SERPINB8: variants seen among roughly 807,000 people sequenced by gnomAD.
SERPINB8 encodes serpin family B member 8.
A neutral mutation model predicts 35.3 loss-of-function variants in SERPINB8; 25 were observed. That is an observed-to-expected ratio of 0.71 (90% CI 0.52 to 0.99). SERPINB8 has a LOEUF of 0.99. Among genes scored for constraint, SERPINB8 ranks in the 50% least tolerant of loss-of-function variants. The pLI, the probability that SERPINB8 is intolerant of heterozygous loss-of-function variation, is 0.00. For missense variants in SERPINB8, 484 were observed against 446.5 expected (o/e 1.08, Z -0.76); for synonymous variants, 186 against 160.8 (o/e 1.16, Z -1.19).
Position 63,987,340 on chromosome 18 carries a change from C to G in SERPINB8, c.*62C>G. The stretch of plus-strand genomic sequence containing the variant: ...TACCTATCTTGCCTTAATTAACATT[C>G]CCTGTGACCTAGTTGGTGCAGTGGC... On this transcript the variant is annotated 3_prime_UTR_variant, in exon 7 of 7. Coordinates refer to ENST00000397985, the MANE Select transcript of SERPINB8 (RefSeq NM_002640.4). 6.6e-7 allele frequency: 1 copy of G among 1,512,406 alleles called. No individual in the cohort carries two copies. Among genetic ancestry groups the G allele is most frequent in the Non-Finnish European group, 9.0e-7 (1 of 1,115,900 alleles). 93.7% of individuals were successfully genotyped at this position (1,512,406 alleles called of 1,614,324 possible). A position where few individuals can be genotyped will look rare whatever the true frequency, so the allele number is the denominator to read the frequency against.
At chr18:63,974,235 G>A (rs899234439) in intron 1 of SERPINB8, among the ~76,000 whole-genome samples, 4 of 152,118 alleles carry the variant, frequency 2.6e-5, no homozygotes, top group East Asian at 1.9e-4. Context: ...TTGAAACTAC[G>A]CATTTCCATA....
chr18:63,989,287 G>A lies in SERPINB8; in HGVS notation c.*2009G>A, dbSNP rs2050806319. The A allele has an allele frequency of 6.6e-6, 1 of 152,072 alleles. No homozygotes were observed. The highest frequency in any genetic ancestry group is 6.5e-5 in the Admixed American group (1 of 15,270). 9.4% of individuals were successfully genotyped at this position (152,072 alleles called of 1,614,324 possible). Reference sequence around the variant, plus strand: ...TATAGGTATACCATGATTTGTTGATGAACAAATTTACCTGTTGATGAACAT... The same window carrying A: ...TATAGGTATACCATGATTTGTTGATAAACAAATTTACCTGTTGATGAACAT... On this transcript the variant is annotated 3_prime_UTR_variant, in exon 7 of 7. Transcript: ENST00000397985.
intron 1 of SERPINB8, among the ~76,000 whole-genome samples, chr18:63,996,870 C>A (rs1312321943): frequency 2.0e-5 from 3 of 152,222 alleles, no homozygotes; most frequent in Non-Finnish European, 4.4e-5. Context: ...TGGGCTTATT[C>A]ATCTACTGTT....
At chr18:63,993,554 G>A (rs920344455), downstream of SERPINB8, among the ~76,000 whole-genome samples, 2 of 152,212 alleles carry the variant, frequency 1.3e-5, no homozygotes, top group African/African-American at 4.8e-5. Flanking sequence ...CTCTGTAAAT[G>A]TGAATTCCAT....
intron 1 of SERPINB8, among the ~76,000 whole-genome samples, chr18:63,971,690 C>T (rs538218530): frequency 6.6e-6 from 1 of 152,332 alleles, no homozygotes; most frequent in African/African-American, 2.4e-5. Flanking sequence ...AGCCTCTTTT[C>T]ATACCAAATA....
chr18:64,006,106 A>C (rs528742522), downstream of SERPINB8, among the ~76,000 whole-genome samples: 19 of 152,200 alleles, frequency 1.2e-4, no homozygotes, highest in Non-Finnish European at 2.8e-4. Flanking sequence ...ATCATCGACA[A>C]TGACAAGTTT....
chr18:63,993,120 G>T (rs553911842), downstream of SERPINB8, among the ~76,000 whole-genome samples: 1 of 151,470 alleles, frequency 6.6e-6, no homozygotes, highest in African/African-American at 2.4e-5. Context: ...CTACATTTTG[G>T]GTATTTTTTT....
chr18:63,981,846 A>G lies in SERPINB8; in HGVS notation c.424+8A>G, dbSNP rs1205980402. 2 of 1,573,142 alleles carry G rather than the reference A, an allele frequency of 1.3e-6. No homozygotes were observed. The highest frequency in any genetic ancestry group is 1.7e-6 in the Non-Finnish European group (2 of 1,145,682). ...TGGCAGAGAAGACTGAAGGTGAGAC[A>G]GTTTCATTTCTGTTGATTTGGAATT... On this transcript the variant is annotated splice_region_variant and intron_variant, in intron 4 of 6. Coordinates refer to ENST00000397985, the MANE Select transcript of SERPINB8 (RefSeq NM_002640.4).
At chr18:63,983,483 C>T (rs1158362434) in intron 4 of SERPINB8, 96 bp from the exon 5 acceptor site, 1 of 1,194,350 alleles carries the variant, frequency 8.4e-7, no homozygotes, top group Non-Finnish European at 1.2e-6. Flanking sequence ...TCCAGCCTGT[C>T]TCTCAACCAA....
Position 63,987,133 on chromosome 18 carries a change from A to T in SERPINB8, c.980A>T (p.Glu327Val). ...CFVEVNEEGT[E>V]AAAATAVVRN... ...GTGGAGGTCAATGAGGAAGGCACAG[A>T]GGCTGCCGCAGCCACTGCTGTGGTC... The change falls in exon 7 of 7, where the codon GAG (glutamate) becomes GTG (valine). Residue 327 changes from glutamate to valine, a missense_variant. Physicochemically the swap from Glu to Val is moderately radical, Grantham distance 121 (BLOSUM62 -2). Transcript: ENST00000397985. 6.2e-7 allele frequency: 1 copy of T among 1,613,870 alleles called. No homozygotes were observed.
Position 63,979,786 on chromosome 18 carries a change from G to C in SERPINB8, c.169-15G>C. 6.2e-7 allele frequency: 1 copy of C among 1,613,776 alleles called. No homozygotes were observed. Among genetic ancestry groups the C allele is most frequent in the East Asian group, 2.2e-5 (1 of 44,862 alleles). On this transcript the variant is annotated splice_polypyrimidine_tract_variant and intron_variant, in intron 2 of 6. Transcript: ENST00000397985. The stretch of plus-strand genomic sequence containing the variant: ...AATGGCAGCGTTAAAAGTCAGTGTT[G>C]GTTTCTGTTCCCAGGCACTTTGTTT...
downstream of SERPINB8, among the ~76,000 whole-genome samples, chr18:64,009,938 A>G (rs928416052): frequency 3.3e-5 from 5 of 152,220 alleles, no homozygotes; most frequent in Admixed American, 2.6e-4. Context: ...AAAAATCAAC[A>G]TTAAAATACA....
downstream of SERPINB8, among the ~76,000 whole-genome samples, chr18:64,007,531 A>G (rs895883509): frequency 2.0e-5 from 3 of 152,228 alleles, no homozygotes; most frequent in Admixed American, 2.0e-4. Flanking sequence ...CACTGGTATT[A>G]TAAATACCTG....
At chr18:64,001,056 G>T (rs979160138) in intron 1 of SERPINB8, among the ~76,000 whole-genome samples, 8 of 152,146 alleles carry the variant, frequency 5.3e-5, no homozygotes, top group African/African-American at 1.7e-4. Flanking sequence ...GATATACTTT[G>T]TTAGATGTTA....
chr18:64,019,704 G>A (rs1375331450), exon 8 of SERPINB8: 1 of 151,842 alleles, frequency 6.6e-6, no homozygotes, highest in African/African-American at 2.4e-5. Flanking sequence ...ATAAGTGACA[G>A]TGTGATTTGA....
rs768529018 is a variant in SERPINB8, at chr18:63,978,446, A to G, written c.138A>G (p.Ala46=). The G allele has an allele frequency of 3.7e-6, 6 of 1,614,222 alleles. No homozygotes were observed. In the South Asian group the frequency reaches 6.6e-5, roughly 18 times the overall value. ...CCCTGGCCATGGTCTTCATGGGGGC[A>G]AAGGGAAGCACTGCAGCCCAGATGT... ...SSALAMVFMG[A]KGSTAAQMSQ... is the part of the protein sequence containing the mutation. The change falls in exon 2 of 7, where the codon GCA becomes GCG. Residue 46 remains alanine, a synonymous_variant. Coordinates refer to ENST00000397985, the MANE Select transcript of SERPINB8 (RefSeq NM_002640.4).
At chr18:63,971,935 C>T (rs1458277777) in intron 1 of SERPINB8, among the ~76,000 whole-genome samples, 1 of 152,160 alleles carries the variant, frequency 6.6e-6, no homozygotes, top group Non-Finnish European at 1.5e-5. Flanking sequence ...GCTAATTCCT[C>T]AGCCTATTAT....
At chr18:63,985,351 A>G in intron 6 of SERPINB8, 106 bp downstream of exon 6, 1 of 1,240,928 alleles carries the variant, frequency 8.1e-7, no homozygotes, top group East Asian at 2.5e-5. Flanking sequence ...TGGGGTTATT[A>G]CAGGCAGTGC....
chr18:63,991,895 T>G (rs1373100125), downstream of SERPINB8, among the ~76,000 whole-genome samples: 1 of 152,182 alleles, frequency 6.6e-6, no homozygotes, highest in African/African-American at 2.4e-5. Flanking sequence ...TGTCAAATGC[T>G]TTTTTGTTTC....
Sources: allele counts gnomAD v4.1 joint callset (sites outside exome capture counted in the v4.1 genomes callset), GRCh38; gene constraint gnomAD v4.1.1; transcripts MANE v1.5; gene names NCBI Gene and HGNC (gene_info 2026-07-23, HGNC 2026-07-21).